Variants in KHSRP observed in about 807,000 individuals in gnomAD.
The protein encoded by KHSRP is KH-type splicing regulatory protein.
Under a neutral mutation model 94.9 loss-of-function variants are expected in KHSRP, and 13 were observed. That is an observed-to-expected ratio of 0.14 (90% confidence interval 0.09 to 0.22). The LOEUF (loss-of-function observed/expected upper bound fraction) is 0.22, where lower values mean the gene tolerates loss of function less well. Among genes scored for constraint, KHSRP ranks in the 10% least tolerant of loss-of-function variants. The pLI is 1.00. For synonymous variants in KHSRP, 495 were observed against 401.4 expected, an observed-to-expected ratio of 1.23 and a Z score of -2.79; for missense variants, 710 against 1,010.0, an observed-to-expected ratio of 0.70 and a Z score of 4.03.
rs185927254 is a variant in KHSRP at position 6,421,112 on chromosome 19, C to T, written c.425+166G>A. On this transcript the variant is annotated intron_variant, in intron 4 of 18. Coordinates refer to ENST00000600480, the MANE Select transcript of KHSRP (RefSeq NM_001366299.1). ...CCCTTCAGACAAGGGGTACGAGGAA[C>T]GGACACAGCTCCTCTGCCTCATTCC... 202 of 653,518 alleles carry T rather than the reference C, an allele frequency of 3.1e-4. 3 individuals are homozygous for T. The East Asian group carries it at 5.4e-3, about 18-fold the overall frequency. 40.5% of individuals were successfully genotyped at this position (653,518 alleles called of 1,614,324 possible). A position where few individuals can be genotyped will look rare whatever the true frequency, so the allele number is the denominator to read the frequency against.
chr19:6,416,878 C>A lies in KHSRP; in HGVS notation c.1187G>T (p.Gly396Val). ...TGGACCCCCTGGAGGACCTGGGGGA[C>A]CACTCTGCAAGACAAGAGGAGGAGG... ...INDLLQSLRS[G>V]PPGPPGGPGM... The change falls in exon 13 of 19, where the codon GGT becomes GTT. Residue 396 changes from glycine to valine, a missense_variant. Transcript: ENST00000600480. 1 of 1,610,632 alleles carries A rather than the reference C, an allele frequency of 6.2e-7. No homozygotes were observed. The highest frequency in any genetic ancestry group is 1.7e-5 in the Admixed American group (1 of 59,576).
Position 6,418,962 on chromosome 19 carries a change from G to T in KHSRP, c.606-86C>A. On this transcript the variant is annotated intron_variant, in intron 7 of 18. Transcript: ENST00000600480. This position sits in a 1 kb window ranked among gnomAD's most constrained non-coding sequence, Gnocchi z 4.3. Reference sequence around the variant, plus strand: ...GTGGCCCACCCAGCTCAAAGGGAAGGCGACCCCAGAGTGTGCAAGGATGAC... The same window carrying T: ...GTGGCCCACCCAGCTCAAAGGGAAGTCGACCCCAGAGTGTGCAAGGATGAC... The T allele has an allele frequency of 7.3e-7, 1 of 1,371,500 alleles. No individual in the cohort carries two copies. The highest frequency in any genetic ancestry group is 2.5e-5 in the East Asian group (1 of 40,442). 85.0% of individuals were successfully genotyped at this position (1,371,500 alleles called of 1,614,324 possible).
At chr19:6,419,181 G>A (rs1189761186) in intron 7 of KHSRP, 22 bp downstream of exon 7, 10 of 1,569,316 alleles carry the variant, frequency 6.4e-6, no homozygotes, top group Non-Finnish European at 7.8e-6. Flanking sequence ...ACATCACAAT[G>A]AGAGGCCCTG....
chr19:6,418,366 T>C lies in KHSRP; in HGVS notation c.879+117A>G. On this transcript the variant is annotated intron_variant, in intron 9 of 18. Coordinates refer to ENST00000600480, the MANE Select transcript of KHSRP (RefSeq NM_001366299.1). The surrounding 1 kb of genome is among the most constrained non-coding windows in gnomAD (Gnocchi z 4.3). Reference sequence around the variant, plus strand: ...GCCAGCGCTCTTGCAAGCCTCTTGGTGTTATGACCGACTGTTCACATATCT... The same window carrying C: ...GCCAGCGCTCTTGCAAGCCTCTTGGCGTTATGACCGACTGTTCACATATCT... 1.3e-6 allele frequency: 1 copy of C among 761,476 alleles called. No individual in the cohort carries two copies. 47.2% of individuals were successfully genotyped at this position (761,476 alleles called of 1,614,324 possible). A position where few individuals can be genotyped will look rare whatever the true frequency, so the allele number is the denominator to read the frequency against.
Position 6,414,304 on chromosome 19 carries a change from G to C in KHSRP, c.*720C>G. 2.9e-6 allele frequency: 4 copies of C among 1,391,244 alleles called. No homozygotes were observed. Among genetic ancestry groups the C allele is most frequent in the Admixed American group, 3.1e-5 (1 of 32,196 alleles). 86.2% of individuals were successfully genotyped at this position (1,391,244 alleles called of 1,614,324 possible). A position where few individuals can be genotyped will look rare whatever the true frequency, so the allele number is the denominator to read the frequency against. On this transcript the variant is annotated 3_prime_UTR_variant, in exon 19 of 19. Transcript: ENST00000600480. ...GTCTAGCCAGGTGCTCGCGGGACTC[G>C]CTGAAGTCACGCTGCTCCCTGATGG...
intron 1 of KHSRP, 63 bp from the exon 2 acceptor site, chr19:6,422,499 T>C: frequency 8.2e-7 from 1 of 1,224,804 alleles, no homozygotes; most frequent in Non-Finnish European, 1.2e-6. Flanking sequence ...GGCACCCAGG[T>C]CAACTTCTCA....
chr19:6,421,773 A>C (rs1050439557), intron 2 of KHSRP, 85 bp from the exon 3 acceptor site: 1 of 1,503,108 alleles, frequency 6.7e-7, no homozygotes, highest in East Asian at 2.3e-5. Context: ...TGTCCAAGGT[A>C]AACAGTGCCC....
In KHSRP at chr19:6,414,346, C is replaced by G. The variant is rs1338142078; in HGVS notation, c.*678G>C. 7.2e-7 allele frequency: 1 copy of G among 1,383,464 alleles called. No individual in the cohort carries two copies. The highest frequency in any genetic ancestry group is 9.4e-7 in the Non-Finnish European group (1 of 1,063,838). 85.7% of individuals were successfully genotyped at this position (1,383,464 alleles called of 1,614,324 possible). On this transcript the variant is annotated 3_prime_UTR_variant, in exon 19 of 19. Transcript: ENST00000600480. The stretch of plus-strand genomic sequence containing the variant: ...CCCTGATGGAGAAGGAGGGACAGAG[C>G]AGGAAGAGAGGAGAGGGGCCGCGGA...
intron 3 of KHSRP, 35 bp from the exon 4 acceptor site, chr19:6,421,352 A>G: frequency 1.3e-6 from 2 of 1,572,702 alleles, no homozygotes; most frequent in Non-Finnish European, 1.7e-6. Context: ...AGACTGGCTT[A>G]GCTCCTCCTC....
rs757897555 is a variant in KHSRP, at chr19:6,422,374, A to G, written c.312T>C (p.Gly104=). The G allele has an allele frequency of 1.1e-5, 18 of 1,613,788 alleles. No individual in the cohort carries two copies. Among genetic ancestry groups the G allele is most frequent in the Admixed American group, 8.3e-5 (5 of 60,014 alleles). ...TTVNNSTPDF[G]FGGQKRQLED... is the part of the protein sequence containing the mutation. ...CCAACTGTCTCTTTTGGCCCCCAAA[A>G]CCAAAATCAGGAGTGCTGTTATTCA... is the stretch of plus-strand genomic sequence containing the variant. Residue 104 remains glycine, a synonymous_variant, in exon 2 of 19, where the codon GGT becomes GGC. Transcript: ENST00000600480.
rs377737053 is a variant in KHSRP, at chr19:6,415,102, G to A, written c.2166C>T (p.Ser722=). The A allele has an allele frequency of 1.9e-6, 3 of 1,595,284 alleles. No homozygotes were observed. The highest frequency in any genetic ancestry group is 1.1e-5 in the South Asian group (1 of 90,672). The change falls in exon 19 of 19, where the codon TCC becomes TCT. Residue 722 remains serine (S), a synonymous_variant. Transcript: ENST00000600480. ...GATGGACGGTGGCCGGGGGTTGGAA[G>A]GAGAAAGGAGGAGGAGGAGGGTGGC... is the stretch of plus-strand genomic sequence containing the variant. ...GNCHPPPPPF[S]FQPPATVHPA... is the part of the protein sequence containing the mutation.
Position 6,414,168 on chromosome 19 carries a change from G to A in KHSRP, c.*856C>T. ...AATTGGTCACTACGGGGAGGGAAGG[G>A]TGGGAGACTAGGGGGCGGAAGAGAG... is the stretch of plus-strand genomic sequence containing the variant. On this transcript the variant is annotated 3_prime_UTR_variant, in exon 19 of 19. Coordinates refer to ENST00000600480, the MANE Select transcript of KHSRP (RefSeq NM_001366299.1). 1 of 1,591,874 alleles carries A rather than the reference G, an allele frequency of 6.3e-7. No homozygotes were observed.
chr19:6,417,930 C>T (rs2092163222), intron 10 of KHSRP, 51 bp downstream of exon 10: 2 of 1,604,550 alleles, frequency 1.2e-6, no homozygotes, highest in Non-Finnish European at 1.7e-6. Context: ...CACCCCGGCC[C>T]CTCCCTCCAC....
In KHSRP at chr19:6,418,442, G is replaced by C. The variant is rs753731505; in HGVS notation, c.879+41C>G. On this transcript the variant is annotated intron_variant, in intron 9 of 18. Coordinates refer to ENST00000600480, the MANE Select transcript of KHSRP (RefSeq NM_001366299.1). The surrounding 1 kb of genome is among the most constrained non-coding windows in gnomAD (Gnocchi z 4.3). ...CCGCTGGCCCTGCCCACCTGCCCGT[G>C]CCTCTCCAGAACCCCCTCCACCACC... 84 of 1,476,074 alleles carry C rather than the reference G, an allele frequency of 5.7e-5. No homozygotes were observed. Among genetic ancestry groups the C allele is most frequent in the Non-Finnish European group, 7.5e-5 (79 of 1,059,134 alleles). The allele number at this position is 1,476,074 out of a possible 1,614,324, so 91.4% of individuals were successfully genotyped here.
In KHSRP at chr19:6,421,383, C is replaced by T. The variant is rs1438016886; in HGVS notation, c.386-66G>A. The T allele has an allele frequency of 5.3e-6, 8 of 1,517,950 alleles. No homozygotes were observed. The African/African-American group carries it at 8.3e-5, about 16-fold the overall frequency. 94.0% of individuals were successfully genotyped at this position (1,517,950 alleles called of 1,614,324 possible). A position where few individuals can be genotyped will look rare whatever the true frequency, so the allele number is the denominator to read the frequency against. On this transcript the variant is annotated intron_variant, in intron 3 of 18. Transcript: ENST00000600480. The stretch of plus-strand genomic sequence containing the variant: ...TCCTCGGGCACTTGGCACTGCCTGC[C>T]CCGGGTCAGTGGGAGCTGAGCCCGG...
rs773623150 is a variant in KHSRP at position 6,416,725 on chromosome 19, G to C, written c.1327+13C>G. The C allele has an allele frequency of 3.7e-6, 6 of 1,605,004 alleles. No individual in the cohort carries two copies. Among genetic ancestry groups the C allele is most frequent in the Non-Finnish European group, 8.5e-7 (1 of 1,174,330 alleles). On this transcript the variant is annotated intron_variant, in intron 13 of 18. Coordinates refer to ENST00000600480, the MANE Select transcript of KHSRP (RefSeq NM_001366299.1). ...GAGGGGGCAAGGGATAGGGTGCAGGGGGCCACACTCACCTCGGCCGATGAC... is the reference window on the plus strand; with the variant it reads ...GAGGGGGCAAGGGATAGGGTGCAGGCGGCCACACTCACCTCGGCCGATGAC...
At position 6,418,837 on chromosome 19, in the gene KHSRP, A is replaced by G. The variant is rs1214523942; in HGVS notation, c.645T>C (p.Gly215=). The stretch of plus-strand genomic sequence containing the variant: ...GGAACTGTCCTGGGGGGCCCCCACG[A>G]CCCCGAGACACAATGTCATCCAGCA... ...KMMLDDIVSR[G]RGGPPGQFHD... The change falls in exon 8 of 19, where the codon GGT becomes GGC. Residue 215 remains glycine (G), a synonymous_variant. Transcript: ENST00000600480. The surrounding 1 kb of genome is among the most constrained non-coding windows in gnomAD (Gnocchi z 4.3). 5.8e-6 allele frequency: 9 copies of G among 1,555,502 alleles called. No individual in the cohort carries two copies. The African/African-American group carries it at 1.3e-4, about 22-fold the overall frequency.
rs2092170357 is a variant in KHSRP, at chr19:6,418,424, C to G, written c.879+59G>C. The stretch of plus-strand genomic sequence containing the variant: ...GGAATGCAGACCCCGAGACCGCTGG[C>G]CCTGCCCACCTGCCCGTGCCTCTCC... On this transcript the variant is annotated intron_variant, in intron 9 of 18. Transcript: ENST00000600480. This position sits in a 1 kb window ranked among gnomAD's most constrained non-coding sequence, Gnocchi z 4.3. The G allele has an allele frequency of 1.6e-6, 2 of 1,257,806 alleles. No homozygotes were observed. The highest frequency in any genetic ancestry group is 1.8e-5 in the Admixed American group (1 of 54,512). The allele number at this position is 1,257,806 out of a possible 1,614,324, so 77.9% of individuals were successfully genotyped here. A position where few individuals can be genotyped will look rare whatever the true frequency, so the allele number is the denominator to read the frequency against.
intron 4 of KHSRP, chr19:6,421,052 A>G: frequency 1.7e-6 from 1 of 576,144 alleles, no homozygotes; most frequent in Non-Finnish European, 3.1e-6. Context: ...CCACCCTATC[A>G]CTACAGTGAC....
Sources: gnomAD v4.1 joint callset for allele counts on GRCh38, gnomAD v4.1.1 for gene constraint, Gnocchi (gnomAD v3.1) non-coding constraint, MANE v1.5 for transcripts, NCBI Gene and HGNC (gene_info 2026-07-23, HGNC 2026-07-21) for gene names.